TYW1B: variants seen among roughly 807,000 people sequenced by gnomAD.
TYW1B encodes S-adenosyl-L-methionine-dependent tRNA 4-demethylwyosine synthase TYW1B.
A neutral mutation model predicts 86.9 loss-of-function variants in TYW1B; 73 were observed. The ratio of observed to expected loss-of-function variants is 0.84; its 90% CI spans 0.70 to 1.02. The LOEUF (loss-of-function observed/expected upper bound fraction) is 1.02. Ranked by LOEUF, TYW1B falls within the 50% of genes least tolerant of loss-of-function variation. The pLI, the probability that TYW1B is intolerant of heterozygous loss-of-function variation, is 0.00. For missense variants in TYW1B, 637 were observed against 827.4 expected, an observed-to-expected ratio of 0.77 and a Z score of 2.82; for synonymous variants, 248 against 292.8, an observed-to-expected ratio of 0.85 and a Z score of 1.56.
At chr7:72,685,121 AAAAAAAG>A (rs1813977772) in intron 11 of TYW1B, among the ~76,000 whole-genome samples, 3 of 151,956 alleles carry the variant, frequency 2.0e-5, no homozygotes, top group Non-Finnish European at 4.4e-5. Flanking sequence ...CGAAAAAAAA[AAAAAAAG>A]AAAAAAGATT....
chr7:72,735,432 C>T (rs1317057976), intron 8 of TYW1B, among the ~76,000 whole-genome samples: 2 of 151,946 alleles, frequency 1.3e-5, no homozygotes, highest in African/African-American at 2.4e-5. Flanking sequence ...TTAAGCCAGG[C>T]GTGGTGGCAC....
intron 11 of TYW1B, among the ~76,000 whole-genome samples, chr7:72,687,738 T>C (rs1469980645): frequency 1.3e-5 from 2 of 151,974 alleles, no homozygotes; most frequent in Non-Finnish European, 2.9e-5. Context: ...GGCATAATTG[T>C]TCATAATATA....
At chr7:72,700,649 C>G (rs1330894758) in intron 10 of TYW1B, among the ~76,000 whole-genome samples, 1 of 152,162 alleles carries the variant, frequency 6.6e-6, no homozygotes, top group Non-Finnish European at 1.5e-5. Context: ...TTCTCTCTCT[C>G]CTGTCCTTCT....
chr7:72,701,113 C>T (rs1814460621), intron 10 of TYW1B, among the ~76,000 whole-genome samples: 2 of 151,760 alleles, frequency 1.3e-5, no homozygotes, highest in African/African-American at 4.8e-5. Context: ...TCTTTGAACA[C>T]ATTTAAAATA....
chr7:72,779,712 C>CA (rs58301724), intron 6 of TYW1B, among the ~76,000 whole-genome samples: 7,384 of 64,254 alleles, frequency 0.11, 845 homozygotes, highest in East Asian at 0.38. Context: ...GACTCTGCCT[C>CA]AAAAAAAAAA....
intron 6 of TYW1B, among the ~76,000 whole-genome samples, chr7:72,777,971 T>C (rs1167774248): frequency 2.2e-4 from 33 of 152,280 alleles, no homozygotes; most frequent in African/African-American, 4.6e-4. Context: ...AGGGCTGTTA[T>C]GAACCATGGC....
chr7:72,667,839 T>C (rs1383639314), intron 11 of TYW1B, among the ~76,000 whole-genome samples: 9 of 152,216 alleles, frequency 5.9e-5, no homozygotes, highest in Non-Finnish European at 8.8e-5. Flanking sequence ...TCTGATGATA[T>C]ATGAATCAAA....
chr7:72,743,711 A>G (rs112277092), intron 8 of TYW1B, among the ~76,000 whole-genome samples: 2,197 of 151,752 alleles, frequency 0.014, 66 homozygotes, highest in African/African-American at 0.05. Flanking sequence ...GGGCGTGGTG[A>G]TGCACACCTG....
intron 11 of TYW1B, among the ~76,000 whole-genome samples, chr7:72,691,974 G>A (rs1176362492): frequency 6.6e-6 from 1 of 152,010 alleles, no homozygotes; most frequent in Non-Finnish European, 1.5e-5. Context: ...GGGAGGTTGA[G>A]GCAGGCGGAT....
At chr7:72,736,787 C>T (rs1585942033) in intron 8 of TYW1B, among the ~76,000 whole-genome samples, 2 of 152,324 alleles carry the variant, frequency 1.3e-5, no homozygotes, top group East Asian at 1.9e-4. Context: ...TTAATCCATG[C>T]TGTAGCATGT....
intron 9 of TYW1B, among the ~76,000 whole-genome samples, chr7:72,723,597 C>A (rs533217758): frequency 7.9e-5 from 12 of 152,158 alleles, no homozygotes; most frequent in African/African-American, 2.7e-4. Context: ...TGAGACCCCC[C>A]ATATCTACAA....
intron 11 of TYW1B, among the ~76,000 whole-genome samples, chr7:72,631,293 A>G (rs1812483323): frequency 6.6e-6 from 1 of 152,150 alleles, no homozygotes; most frequent in African/African-American, 2.4e-5. Context: ...TGGGTCGCTC[A>G]CTTGAGGTCA....
chr7:72,753,715 G>A (rs1199363155), intron 7 of TYW1B, among the ~76,000 whole-genome samples: 1 of 151,932 alleles, frequency 6.6e-6, no homozygotes, highest in Non-Finnish European at 1.5e-5. Context: ...TCCTGATCTC[G>A]TGATCCACCC....
intron 4 of TYW1B, among the ~76,000 whole-genome samples, chr7:72,809,408 T>C (rs1444663770): frequency 6.6e-6 from 1 of 151,924 alleles, no homozygotes; most frequent in Non-Finnish European, 1.5e-5. Flanking sequence ...TCCCAGAAAT[T>C]TGGGAGGCTG....
chr7:72,711,610 C>T (rs1554454795), intron 10 of TYW1B, among the ~76,000 whole-genome samples: 2 of 148,304 alleles, frequency 1.3e-5, no homozygotes, highest in African/African-American at 5.0e-5. Context: ...GCTGGGACTA[C>T]AGACAACTGC....
chr7:72,706,285 G>A (rs1325911356), intron 10 of TYW1B, among the ~76,000 whole-genome samples: 1 of 151,758 alleles, frequency 6.6e-6, no homozygotes, highest in East Asian at 1.9e-4. Flanking sequence ...AAATTAGCCG[G>A]GTGTGGTGGC....
At chr7:72,603,272 A>G (rs1811716468) in intron 13 of TYW1B, among the ~76,000 whole-genome samples, 1 of 151,904 alleles carries the variant, frequency 6.6e-6, no homozygotes, top group Non-Finnish European at 1.5e-5. Context: ...GGATGGACAG[A>G]CAGACGACAG....
intron 6 of TYW1B, among the ~76,000 whole-genome samples, chr7:72,783,905 A>G (rs1554472029): frequency 6.6e-6 from 1 of 152,220 alleles, no homozygotes; most frequent in Non-Finnish European, 1.5e-5. Flanking sequence ...AGCCTTAAAA[A>G]TAATTCTGAA....
Position 72,632,346 on chromosome 7 carries a change from T to TATATATTATATATATACG in TYW1B, c.1507-3350_1507-3349insCGTATATATATAATATAT, listed in dbSNP as rs1563038541. On this transcript the variant is annotated intron_variant, in intron 11 of 13. Transcript: ENST00000620995. ...TTATATATATATACACGTATATATA[T>TATATATTATATATATACG]TATATATATTATATATATACGCATA... Among the ~76,000 whole-genome samples, 70 of 103,580 alleles carry TATATATTATATATATACG rather than the reference T, an allele frequency of 6.8e-4. 4 individuals are homozygous for TATATATTATATATATACG. Among genetic ancestry groups the TATATATTATATATATACG allele is most frequent in the African/African-American group, 3.1e-3 (68 of 21,664 alleles). The allele number at this position is 103,580 out of a possible 152,430, so 68.0% of individuals were successfully genotyped here.
Sources: allele counts gnomAD v4.1 joint callset (sites outside exome capture counted in the v4.1 genomes callset), GRCh38; gene constraint gnomAD v4.1.1; transcripts MANE v1.5; gene names NCBI Gene and HGNC (gene_info 2026-07-23, HGNC 2026-07-21).